ANO6: variants seen among roughly 807,000 people sequenced by gnomAD.
ANO6 encodes the protein anoctamin-6.
A neutral mutation model predicts 117.5 loss-of-function variants in ANO6; 106 were observed. The observed-to-expected ratio is 0.90, with a 90% CI of 0.77 to 1.06. The LOEUF is 1.06. Ranked by LOEUF, ANO6 falls within the 50% of genes least tolerant of loss-of-function variation. The probability of loss-of-function intolerance (pLI) is 0.00; values close to 1 mark genes in which losing one functional copy is unlikely to be tolerated. For missense variants in ANO6, 955 were observed against 1,121.1 expected (o/e 0.85, Z 2.12); for synonymous variants, 367 against 385.1 (o/e 0.95, Z 0.55).
chr12:45,424,327 G>GTTTTTTTTTTTT lies in ANO6; in HGVS notation c.2526+1282_2526+1293dup, dbSNP rs66945216. Among the ~76,000 whole-genome samples, 12 of 81,272 alleles carry GTTTTTTTTTTTT rather than the reference G, an allele frequency of 1.5e-4. 3 individuals are homozygous for GTTTTTTTTTTTT. Among genetic ancestry groups the GTTTTTTTTTTTT allele is most frequent in the African/African-American group, 5.9e-4 (12 of 20,282 alleles). 53.3% of individuals were successfully genotyped at this position (81,272 alleles called of 152,430 possible). On this transcript the variant is annotated intron_variant, in intron 19 of 19. Transcript: ENST00000320560. Reference sequence around the variant, plus strand: ...AGAGAGAGGGAAAACTAGGTGATGGGTTTTTTTTTTTTTTTTTTTTTTTTT... The same window carrying GTTTTTTTTTTTT: ...AGAGAGAGGGAAAACTAGGTGATGGGTTTTTTTTTTTTTTTTTTTTTTTTTTTTTTTTTTTTT...
At chr12:45,217,463 CA>C (rs1253867521) in intron 1 of ANO6, among the ~76,000 whole-genome samples, 2 of 152,068 alleles carry the variant, frequency 1.3e-5, no homozygotes, top group Non-Finnish European at 2.9e-5. Flanking sequence ...ATATTTCGAT[CA>C]AAAAAATTTG....
chr12:45,278,137 T>G (rs1406541298), intron 1 of ANO6, among the ~76,000 whole-genome samples: 4 of 152,064 alleles, frequency 2.6e-5, no homozygotes, highest in African/African-American at 9.7e-5. Flanking sequence ...TAAATTTTTT[T>G]GTAGAGACAG....
At chr12:45,423,908 G>T (rs1943429209) in intron 19 of ANO6, among the ~76,000 whole-genome samples, 1 of 152,156 alleles carries the variant, frequency 6.6e-6, no homozygotes, top group Non-Finnish European at 1.5e-5. Flanking sequence ...ATAGCATGTG[G>T]TTTTCCTAGC....
intron 1 of ANO6, among the ~76,000 whole-genome samples, chr12:45,270,945 C>A (rs1275172763): frequency 6.6e-6 from 1 of 152,068 alleles, no homozygotes; most frequent in South Asian, 2.1e-4. Flanking sequence ...GTCTTGAACT[C>A]CTGACCTCAA....
chr12:45,333,885 G>A (rs963020971), intron 3 of ANO6, among the ~76,000 whole-genome samples: 64 of 152,026 alleles, frequency 4.2e-4, no homozygotes, highest in African/African-American at 1.5e-3. Context: ...AAAAACTTAT[G>A]TGTAAACCAT....
At chr12:45,373,620 A>G (rs1219496722) in intron 9 of ANO6, among the ~76,000 whole-genome samples, 2 of 152,178 alleles carry the variant, frequency 1.3e-5, no homozygotes, top group Non-Finnish European at 2.9e-5. Flanking sequence ...TACTGGGTAC[A>G]TAACGAAATG....
rs552516523 is a variant in ANO6 at position 45,440,048 on chromosome 12, C to G, written c.*110C>G. ...TGTTTGGCTCATTAATATTCCAATA[C>G]TGGCATTTAAGACCATTAATTTTCC... On this transcript the variant is annotated 3_prime_UTR_variant, in exon 20 of 20. Coordinates refer to the ANO6 transcript ENST00000425752. 22 of 1,137,450 alleles carry G rather than the reference C, an allele frequency of 1.9e-5. No homozygotes were observed. The South Asian group carries it at 3.5e-4, about 18-fold the overall frequency. The allele number at this position is 1,137,450 out of a possible 1,614,324, so 70.5% of individuals were successfully genotyped here. A position where few individuals can be genotyped will look rare whatever the true frequency, so the allele number is the denominator to read the frequency against.
At chr12:45,260,970 G>GTTTGT (rs200869023) in intron 1 of ANO6, among the ~76,000 whole-genome samples, 48 of 147,236 alleles carry the variant, frequency 3.3e-4, no homozygotes, top group African/African-American at 5.9e-4. Context: ...TTGTTTGTTT[G>GTTTGT]TTTGTTTTGT....
chr12:45,386,299 C>T (rs989077258), intron 10 of ANO6, among the ~76,000 whole-genome samples: 1 of 152,186 alleles, frequency 6.6e-6, no homozygotes, highest in Non-Finnish European at 1.5e-5. Context: ...AGATCTTCCT[C>T]CTATGTTGTA....
intron 8 of ANO6, among the ~76,000 whole-genome samples, chr12:45,366,748 CCTT>C (rs1941695708): frequency 1.3e-5 from 2 of 152,170 alleles, no homozygotes; most frequent in Admixed American, 1.3e-4. Flanking sequence ...GTAGTGTAGG[CCTT>C]CTTTACTGCA....
chr12:45,382,019 T>C (rs1007597688), intron 10 of ANO6, among the ~76,000 whole-genome samples: 23 of 151,994 alleles, frequency 1.5e-4, no homozygotes, highest in African/African-American at 5.1e-4. Flanking sequence ...GCCAATTACC[T>C]AAAGCCCCAC....
intron 1 of ANO6, among the ~76,000 whole-genome samples, chr12:45,288,090 A>C (rs1030397941): frequency 4.6e-5 from 7 of 152,138 alleles, no homozygotes; most frequent in Non-Finnish European, 7.4e-5. Flanking sequence ...AGCTCTCCCT[A>C]AAGGACAGCA....
At chr12:45,328,410 G>A (rs1940546277) in intron 2 of ANO6, among the ~76,000 whole-genome samples, 3 of 151,758 alleles carry the variant, frequency 2.0e-5, no homozygotes, top group South Asian at 2.1e-4. Context: ...TTTGTAGTTT[G>A]CATTTTGATA....
chr12:45,237,250 T>C (rs1037086682), intron 1 of ANO6, among the ~76,000 whole-genome samples: 1 of 152,240 alleles, frequency 6.6e-6, no homozygotes, highest in African/African-American at 2.4e-5. Flanking sequence ...TTTGTCTATT[T>C]TGGCTTATGT....
intron 7 of ANO6, 151 bp from the exon 8 acceptor site, chr12:45,357,139 G>T: frequency 1.2e-6 from 1 of 807,100 alleles, no homozygotes; most frequent in Non-Finnish European, 2.0e-6. Flanking sequence ...GTAGAATTCA[G>T]GGTCTGCTGT....
In ANO6 at chr12:45,388,294, G is replaced by A; in HGVS notation, c.1299G>A (p.Glu433=). The A allele has an allele frequency of 1.9e-6, 3 of 1,613,984 alleles. No homozygotes were observed. Among genetic ancestry groups the A allele is most frequent in the Non-Finnish European group, 2.5e-6 (3 of 1,179,900 alleles). Residue 433 remains glutamate (E), a synonymous_variant, in exon 11 of 20, where the codon GAG becomes GAA. Transcript: ENST00000320560. ...EARCTHVVIN[E]ITQEEERIPF... Reference sequence around the variant, plus strand: ...GATGTACTCACGTAGTGATAAATGAGATTACTCAGGTAAGCAGGGTCGTAT... The same window carrying A: ...GATGTACTCACGTAGTGATAAATGAAATTACTCAGGTAAGCAGGGTCGTAT...
rs779126961 is a variant in ANO6 at position 45,302,002 on chromosome 12, A to T, written c.71-12A>T. ...TCATGCTTCATTTGTTTATATATTC[A>T]TTCGTTTTTAGTGTTGGAAAACCTT... On this transcript the variant is annotated splice_polypyrimidine_tract_variant and intron_variant, in intron 1 of 19. Coordinates refer to ENST00000320560, the MANE Select transcript of ANO6 (RefSeq NM_001025356.3). 2.5e-6 allele frequency: 4 copies of T among 1,612,574 alleles called. No homozygotes were observed. The Middle Eastern group carries it at 5.0e-4, about 200-fold the overall frequency.
intron 2 of ANO6, among the ~76,000 whole-genome samples, chr12:45,320,766 G>T (rs183721377): frequency 6.6e-6 from 1 of 152,202 alleles, no homozygotes; most frequent in Non-Finnish European, 1.5e-5. Flanking sequence ...TCTCTTTGTA[G>T]GTCTCTAAGG....
chr12:45,293,729 G>GTTTTTTTTT (rs138396024), intron 1 of ANO6, among the ~76,000 whole-genome samples: 27 of 48,408 alleles, frequency 5.6e-4, no homozygotes, highest in African/African-American at 1.1e-3. Context: ...CCTGGCTAAT[G>GTTTTTTTTT]TTTTTTTTTT....
Sources: gnomAD v4.1 joint callset for allele counts (sites outside exome capture counted in the v4.1 genomes callset) on GRCh38, gnomAD v4.1.1 for gene constraint, MANE v1.5 for transcripts, NCBI Gene and HGNC (gene_info 2026-07-23, HGNC 2026-07-21) for gene names.